The following ALS2 variants were observed in gnomAD, a reference collection of about 807,000 sequenced individuals.
The protein encoded by ALS2 is alsin Rho guanine nucleotide exchange factor ALS2, also known as alsin.
A neutral mutation model predicts 203.4 loss-of-function variants in ALS2; 117 were observed. The observed-to-expected ratio is 0.58, with a 90% CI of 0.50 to 0.67. The LOEUF (loss-of-function observed/expected upper bound fraction) is 0.67, where lower values mean the gene tolerates loss of function less well. ALS2 is among the 30% of genes least tolerant of loss of function. ALS2 has a pLI of 0.00. For synonymous variants in ALS2, 718 were observed against 725.9 expected (o/e 0.99, Z 0.17); for missense variants, 1,715 against 1,989.4 (o/e 0.86, Z 2.62).
chr2:201,706,012 G>A (rs1210847167), intron 29 of ALS2, among the ~76,000 whole-genome samples: 1 of 151,952 alleles, frequency 6.6e-6, no homozygotes, highest in African/African-American at 2.4e-5. Context: ...TTGGGGAGGT[G>A]GAATCAGCTT....
At position 201,738,729 on chromosome 2, in the gene ALS2, G is replaced by A; in HGVS notation, c.2358C>T (p.Cys786=). ...TAACCAGGAAATTTGTAATAGATGT[G>A]CAATACCTTGAGCAGAAAAGAAAAC... The part of the protein sequence containing the change: ...SLFLDSYTEY[C]TSITNFLVMG... The change falls in exon 12 of 34, where the codon TGC becomes TGT. Residue 786 remains cysteine, a synonymous_variant. Coordinates refer to ENST00000264276, the MANE Select transcript of ALS2 (RefSeq NM_020919.4). 6.2e-7 allele frequency: 1 copy of A among 1,613,778 alleles called. No individual in the cohort carries two copies. Among genetic ancestry groups the A allele is most frequent in the Non-Finnish European group, 8.5e-7 (1 of 1,179,740 alleles).
chr2:201,763,763 C>T (rs936367125), intron 3 of ALS2, among the ~76,000 whole-genome samples: 3 of 152,144 alleles, frequency 2.0e-5, no homozygotes, highest in Non-Finnish European at 4.4e-5. Flanking sequence ...AGCTATGCTA[C>T]CAAGTCTTAA....
At chr2:201,764,372 C>T (rs974979732) in intron 3 of ALS2, among the ~76,000 whole-genome samples, 7 of 152,054 alleles carry the variant, frequency 4.6e-5, no homozygotes. Context: ...TGGCTCACGC[C>T]TGTAATCCCA....
In ALS2 at chr2:201,761,615, T is replaced by C. The variant is rs770881778; in HGVS notation, c.379A>G (p.Asn127Asp). ...ENSAGQCAVA[N>D]QQYVPEPNPV... Reference sequence around the variant, plus strand: ...TTTGGTTCCGGCACATACTGCTGGTTGGCTACTGCACACTGGCCAGCAGAA... The same window carrying C: ...TTTGGTTCCGGCACATACTGCTGGTCGGCTACTGCACACTGGCCAGCAGAA... The change falls in exon 4 of 34, where the codon AAC becomes GAC. Residue 127 changes from asparagine to aspartate, a missense_variant. Asn to Asp is a conservative substitution (Grantham distance 23, BLOSUM62 1). Around this residue, in one of 3 missense-constraint regions of ALS2, gnomAD observed 476 missense variants for 539.3 expected, o/e 0.88. Coordinates refer to ENST00000264276, the MANE Select transcript of ALS2 (RefSeq NM_020919.4). 6.2e-7 allele frequency: 1 copy of C among 1,614,118 alleles called. No individual in the cohort carries two copies. The highest frequency in any genetic ancestry group is 1.3e-5 in the African/African-American group (1 of 74,948).
chr2:201,767,180 C>T, intron 3 of ALS2, 49 bp downstream of exon 3: 1 of 1,612,020 alleles, frequency 6.2e-7, no homozygotes, highest in Non-Finnish European at 8.5e-7. Flanking sequence ...CACACTCAGG[C>T]ATTTGTTAGC....
chr2:201,718,345 CGCT>C, intron 23 of ALS2, 135 bp from the exon 24 acceptor site: 1 of 965,470 alleles, frequency 1.0e-6, no homozygotes, highest in Non-Finnish European at 1.6e-6. Context: ...CTGCAACCTC[CGCT>C]TCCTGGGTTA....
At chr2:201,719,582 C>T (rs896041213) in intron 23 of ALS2, among the ~76,000 whole-genome samples, 7 of 149,974 alleles carry the variant, frequency 4.7e-5, no homozygotes, top group South Asian at 2.1e-4. Context: ...GACAAGACTC[C>T]GTCTCGAAAA....
Position 201,705,218 on chromosome 2 carries a change from A to C in ALS2, c.4627-18T>G. ...GGCAAAACCTGCAAAAAAGAGAGTG[A>C]AGGTCAAGGAGGAAAACTATTTTCT... On this transcript the variant is annotated intron_variant, in intron 30 of 33. Coordinates refer to ENST00000264276, the MANE Select transcript of ALS2 (RefSeq NM_020919.4). 1 of 1,612,948 alleles carries C rather than the reference A, an allele frequency of 6.2e-7. No homozygotes were observed. The highest frequency in any genetic ancestry group is 8.5e-7 in the Non-Finnish European group (1 of 1,178,952).
Position 201,721,732 on chromosome 2 carries a change from C to T in ALS2, c.3702+1311G>A, listed in dbSNP as rs943908509. On this transcript the variant is annotated intron_variant, in intron 23 of 33. Coordinates refer to ENST00000264276, the MANE Select transcript of ALS2 (RefSeq NM_020919.4). Reference sequence around the variant, plus strand: ...AGGCTGGAGCACAGTGCCACGATTTCGGCTCACTGCAAACTCCGCCTCCCA... The same window carrying T: ...AGGCTGGAGCACAGTGCCACGATTTTGGCTCACTGCAAACTCCGCCTCCCA... Among the ~76,000 whole-genome samples the T allele has an allele frequency of 5.9e-5, 9 of 152,244 alleles. No individual in the cohort carries two copies. The South Asian group carries it at 6.2e-4, about 11-fold the overall frequency.
chr2:201,741,921 T>C, intron 10 of ALS2, 67 bp from the exon 11 acceptor site: 4 of 1,340,542 alleles, frequency 3.0e-6, no homozygotes, highest in Non-Finnish European at 4.2e-6. Context: ...ATGATGTGAT[T>C]ATGATTATGA....
intron 13 of ALS2, among the ~76,000 whole-genome samples, chr2:201,732,857 G>C (rs1197532097): frequency 6.6e-6 from 1 of 152,148 alleles, no homozygotes; most frequent in Non-Finnish European, 1.5e-5. Flanking sequence ...TAAACACCTG[G>C]CATAAAGTCT....
In ALS2 at chr2:201,746,879, C is replaced by A. The variant is rs187895449; in HGVS notation, c.1816-131G>T. The A allele has an allele frequency of 2.8e-5, 28 of 989,860 alleles. No individual in the cohort carries two copies. The East Asian group carries it at 6.9e-4, about 25-fold the overall frequency. The allele number at this position is 989,860 out of a possible 1,614,324, so 61.3% of individuals were successfully genotyped here. ...TCAGTCATATCTGAGAGCAAACTTA[C>A]CCAGCAATTTGCCCAATCAAATGCA... On this transcript the variant is annotated intron_variant, in intron 8 of 33. Coordinates refer to ENST00000264276, the MANE Select transcript of ALS2 (RefSeq NM_020919.4).
chr2:201,773,689 T>C (rs1388178578), intron 1 of ALS2, among the ~76,000 whole-genome samples: 1 of 152,144 alleles, frequency 6.6e-6, no homozygotes, highest in East Asian at 1.9e-4. Context: ...GGCGTATGGA[T>C]AGTGTTTAAA....
intron 1 of ALS2, among the ~76,000 whole-genome samples, chr2:201,770,510 TCTTA>T (rs1217674068): frequency 6.6e-6 from 1 of 152,184 alleles, no homozygotes; most frequent in Non-Finnish European, 1.5e-5. Flanking sequence ...AACTTTCTTT[TCTTA>T]CTTACTATAG....
chr2:201,735,629 C>T (rs1691827549), intron 12 of ALS2, among the ~76,000 whole-genome samples: 1 of 152,212 alleles, frequency 6.6e-6, no homozygotes, highest in Non-Finnish European at 1.5e-5. Context: ...TCATTGCTGC[C>T]TTTAACTATG....
In ALS2 at chr2:201,757,221, A is replaced by G. The variant is rs529659076; in HGVS notation, c.1471+181T>C. 3.3e-5 allele frequency among the ~76,000 whole-genome samples: 5 copies of G among 152,376 alleles called. No homozygotes were observed. In the South Asian group the frequency reaches 1.0e-3, roughly 32 times the overall value. On this transcript the variant is annotated intron_variant, in intron 5 of 33. Coordinates refer to ENST00000264276, the MANE Select transcript of ALS2 (RefSeq NM_020919.4). Reference sequence around the variant, plus strand: ...CAAGAAAAAGTGACGTTCTAACTTTATAGTGATATCTAAAGCAGATAAACA... The same window carrying G: ...CAAGAAAAAGTGACGTTCTAACTTTGTAGTGATATCTAAAGCAGATAAACA...
chr2:201,713,415 C>G (rs769982761), intron 25 of ALS2, among the ~76,000 whole-genome samples: 3 of 152,186 alleles, frequency 2.0e-5, no homozygotes, highest in Admixed American at 6.5e-5. Context: ...TGCCACCATG[C>G]CCAGCCCATT....
intron 11 of ALS2, chr2:201,741,414 A>C: frequency 2.4e-6 from 1 of 410,714 alleles, no homozygotes; most frequent in South Asian, 2.6e-5. Flanking sequence ...ATTATAGTAC[A>C]TTTAATGTAA....
chr2:201,767,176 C>T, intron 3 of ALS2, 53 bp downstream of exon 3: 1 of 1,611,352 alleles, frequency 6.2e-7, no homozygotes, highest in Admixed American at 1.7e-5. Flanking sequence ...CTTCCACACT[C>T]AGGCATTTGT....
Sources: allele counts gnomAD v4.1 joint callset (sites outside exome capture counted in the v4.1 genomes callset), GRCh38; gene constraint gnomAD v4.1.1; regional missense constraint gnomAD v4.1.1; transcripts MANE v1.5; gene names NCBI Gene and HGNC (gene_info 2026-07-23, HGNC 2026-07-21).